Variants in ACOT12 observed in about 807,000 individuals in gnomAD.
The protein encoded by ACOT12 is acyl-CoA thioesterase 12, also known as acetyl-coenzyme A thioesterase.
Under a neutral mutation model 67.7 loss-of-function variants are expected in ACOT12, and 51 were observed. The ratio of observed to expected loss-of-function variants is 0.75; its 90% CI spans 0.60 to 0.95. ACOT12 has a LOEUF of 0.95. Among genes scored for constraint, ACOT12 ranks in the 40% least tolerant of loss-of-function variants. The pLI is 0.00. For missense variants in ACOT12, 734 were observed against 708.1 expected (o/e 1.04, Z -0.41); for synonymous variants, 251 against 244.6 (o/e 1.03, Z -0.24).
At chr5:81,331,424 C>A (rs756956734) in intron 13 of ACOT12, among the ~76,000 whole-genome samples, 71 of 152,166 alleles carry the variant, frequency 4.7e-4, no homozygotes, top group Non-Finnish European at 7.9e-4. Flanking sequence ...GTAATCCCAG[C>A]TACTTGGGAG....
At chr5:81,345,080 T>A (rs1458885296) in intron 7 of ACOT12, 39 bp from the exon 8 acceptor site, 1 of 1,610,286 alleles carries the variant, frequency 6.2e-7, no homozygotes, top group East Asian at 2.2e-5. Context: ...AAAGAGGATC[T>A]TGACCCATCA....
At chr5:81,386,320 C>T (rs1580598392) in intron 1 of ACOT12, among the ~76,000 whole-genome samples, 1 of 152,124 alleles carries the variant, frequency 6.6e-6, no homozygotes, top group Admixed American at 6.5e-5. Flanking sequence ...CTCTGGGTAT[C>T]AGAGAAAGAG....
chr5:81,324,101 C>T, the ACOT12 span, among the ~76,000 whole-genome samples: 1 of 151,700 alleles, frequency 6.6e-6, no homozygotes, highest in African/African-American at 2.4e-5. Flanking sequence ...GCCACCATGC[C>T]CGGCTAATTT....
At chr5:81,372,620 C>T (rs1760288085) in intron 2 of ACOT12, among the ~76,000 whole-genome samples, 2 of 152,218 alleles carry the variant, frequency 1.3e-5, no homozygotes, top group South Asian at 4.1e-4. Flanking sequence ...TCTGCCTCTT[C>T]CCTGAATCTC....
chr5:81,363,706 A>AT (rs1759987248), intron 4 of ACOT12, 82 bp downstream of exon 4: 4 of 1,021,530 alleles, frequency 3.9e-6, no homozygotes, highest in South Asian at 1.9e-5. Flanking sequence ...AAGAAGTGTC[A>AT]TTTTTTTCTA....
chr5:81,352,080 C>T lies in ACOT12; in HGVS notation c.497-4150G>A, dbSNP rs141878600. ...GTATCATCTCACCTCAGTTAAAATG[C>T]CTTTTATCCCAAAGACAGGCAATAA... On this transcript the variant is annotated intron_variant, in intron 5 of 14. Transcript: ENST00000307624. Among the ~76,000 whole-genome samples the T allele has an allele frequency of 4.4e-3, 669 of 152,186 alleles. 4 individuals are homozygous for T. Among genetic ancestry groups the T allele is most frequent in the African/African-American group, 0.015 (638 of 41,522 alleles).
intron 2 of ACOT12, 70 bp downstream of exon 2, chr5:81,385,687 T>A: frequency 7.1e-7 from 1 of 1,413,534 alleles, no homozygotes; most frequent in Non-Finnish European, 1.0e-6. Flanking sequence ...TAAGCTCAGG[T>A]GCCACCAATA....
the ACOT12 span, chr5:81,308,731 T>C: frequency 3.1e-6 from 5 of 1,594,572 alleles, no homozygotes; most frequent in South Asian, 2.3e-5. Flanking sequence ...TCTTTCAGTT[T>C]TTTGTTTTGT....
intron 2 of ACOT12, among the ~76,000 whole-genome samples, chr5:81,383,267 T>TA (rs1363500865): frequency 6.6e-6 from 1 of 152,190 alleles, no homozygotes; most frequent in East Asian, 1.9e-4. Context: ...TAGTCCCAGC[T>TA]ACTCGGGAGG....
chr5:81,370,748 T>C (rs888282400), intron 3 of ACOT12, among the ~76,000 whole-genome samples: 1 of 152,216 alleles, frequency 6.6e-6, no homozygotes, highest in African/African-American at 2.4e-5. Flanking sequence ...ACTACTTTTC[T>C]GTGTTTAGGC....
At chr5:81,389,514 A>G (rs1173438344) in intron 1 of ACOT12, among the ~76,000 whole-genome samples, 2 of 151,898 alleles carry the variant, frequency 1.3e-5, no homozygotes, top group East Asian at 1.9e-4. Flanking sequence ...TATTCTTTGT[A>G]TTAGTTTTTC....
At chr5:81,345,096 TCCTTGCACACCGCTGCCAC>T in intron 7 of ACOT12, 55 bp from the exon 8 acceptor site, 1 of 1,591,056 alleles carries the variant, frequency 6.3e-7, no homozygotes, top group South Asian at 1.1e-5. Flanking sequence ...CATCAGGCCC[TCCTTGCACACCGCTGCCAC>T]CTCCTCGCCC....
rs1759429462 is a variant in ACOT12, at chr5:81,347,853, G to A, written c.574C>T (p.Pro192Ser). ...GTATTTCCGTGATGGTTTGCATGGG[G>A]TGGGAGGACCAGTTCAATGCTCTGA... is the stretch of plus-strand genomic sequence containing the variant. ...SVQSIELVLPPHANHHGNTFG... is the reference protein window; with the variant it reads ...SVQSIELVLPSHANHHGNTFG... The change falls in exon 6 of 15, where the codon CCC (proline) becomes TCC (serine). Residue 192 changes from proline (P) to serine (S), a missense_variant. By Grantham distance (74) the Pro-to-Ser change is moderately conservative (BLOSUM62 -1). Transcript: ENST00000307624. 4.3e-6 allele frequency: 7 copies of A among 1,614,076 alleles called. No homozygotes were observed. The highest frequency in any genetic ancestry group is 1.3e-5 in the African/African-American group (1 of 74,930).
chr5:81,348,779 G>T (rs186148468), intron 5 of ACOT12, among the ~76,000 whole-genome samples: 8 of 152,114 alleles, frequency 5.3e-5, no homozygotes, highest in African/African-American at 1.9e-4. Flanking sequence ...GGCCAGGCTG[G>T]TCTTGAACTC....
the ACOT12 span, among the ~76,000 whole-genome samples, chr5:81,319,356 A>C: frequency 6.6e-6 from 1 of 152,252 alleles, no homozygotes; most frequent in Non-Finnish European, 1.5e-5. Flanking sequence ...CAATGGTTTT[A>C]GTATATTCAC....
intron 2 of ACOT12, 71 bp downstream of exon 2, chr5:81,385,686 G>T (rs991025610): frequency 1.4e-6 from 2 of 1,403,914 alleles, no homozygotes; most frequent in Admixed American, 1.7e-5. Context: ...ATAAGCTCAG[G>T]TGCCACCAAT....
chr5:81,322,094 AG>A, the ACOT12 span, among the ~76,000 whole-genome samples: 2 of 152,322 alleles, frequency 1.3e-5, no homozygotes, highest in Admixed American at 6.5e-5. Flanking sequence ...AATTTATAAT[AG>A]AATGGGAAAG....
chr5:81,343,535 T>A (rs907942075), intron 10 of ACOT12, among the ~76,000 whole-genome samples: 1 of 152,216 alleles, frequency 6.6e-6, no homozygotes, highest in Non-Finnish European at 1.5e-5. Context: ...CAAGTCACGG[T>A]GAGATACCAG....
At chr5:81,323,083 G>GAAAAA in the ACOT12 span, among the ~76,000 whole-genome samples, 1 of 104,070 alleles carries the variant, frequency 9.6e-6, no homozygotes, top group Admixed American at 9.5e-5. Context: ...ATAGCAAAAA[G>GAAAAA]AAAAAAAAAA....
Sources: allele counts gnomAD v4.1 joint callset (sites outside exome capture counted in the v4.1 genomes callset), GRCh38; gene constraint gnomAD v4.1.1; transcripts MANE v1.5; gene names NCBI Gene and HGNC (gene_info 2026-07-23, HGNC 2026-07-21).